KATNAL1: variants seen among roughly 807,000 people sequenced by gnomAD.
KATNAL1 encodes katanin p60 ATPase-containing subunit A-like 1.
KATNAL1 carries 32 observed loss-of-function variants against 55.2 expected under a neutral mutation model. That is an observed-to-expected ratio of 0.58 (90% CI 0.44 to 0.78). KATNAL1 has a LOEUF of 0.78. Among genes scored for constraint, KATNAL1 ranks in the 30% least tolerant of loss-of-function variants. The probability of loss-of-function intolerance (pLI) is 0.00; values close to 1 mark genes in which losing one functional copy is unlikely to be tolerated. For missense variants in KATNAL1, 466 were observed against 600.9 expected, an observed-to-expected ratio of 0.78 and a Z score of 2.35; for synonymous variants, 193 against 193.6, an observed-to-expected ratio of 1.00 and a Z score of 0.02.
rs1873335447 is a variant in KATNAL1 at position 30,208,268 on chromosome 13, GC to G, written c.*271del. On this transcript the variant is annotated 3_prime_UTR_variant, in exon 11 of 11. Transcript: ENST00000380615. ...TCCTAAAATATCACACTGCGCCCTTGCTTCAGCCTCCCTGATAGACTGGTTT... is the reference window on the plus strand; with the variant it reads ...TCCTAAAATATCACACTGCGCCCTTGTTCAGCCTCCCTGATAGACTGGTTT... 1 of 305,826 alleles carries G rather than the reference GC, an allele frequency of 3.3e-6. No individual in the cohort carries two copies. The highest frequency in any genetic ancestry group is 2.2e-5 in the African/African-American group (1 of 46,122). 18.9% of individuals were successfully genotyped at this position (305,826 alleles called of 1,614,324 possible).
chr13:30,280,006 T>G (rs1881153777), intron 3 of KATNAL1, 57 bp downstream of exon 3: 1 of 1,456,326 alleles, frequency 6.9e-7, no homozygotes, highest in African/African-American at 1.4e-5. Context: ...AAAACATGCT[T>G]CACTGTGAAC....
chr13:30,287,819 T>C (rs1881891719), intron 1 of KATNAL1, among the ~76,000 whole-genome samples: 1 of 152,160 alleles, frequency 6.6e-6, no homozygotes, highest in Non-Finnish European at 1.5e-5. Flanking sequence ...GATAAAAATA[T>C]CCTGATACAA....
At chr13:30,218,040 A>C (rs1036667835) in intron 9 of KATNAL1, among the ~76,000 whole-genome samples, 2 of 152,118 alleles carry the variant, frequency 1.3e-5, no homozygotes, top group African/African-American at 4.8e-5. Context: ...AGAAGGGAAG[A>C]GAGAACCTGG....
rs1878237684 is a variant in KATNAL1, at chr13:30,250,946, G to A, written c.492+4501C>T. ...GAGGTCAGGAGATCGAGACCATCCT[G>A]GATAACACGGTGAAACCCCATCTCT... On this transcript the variant is annotated intron_variant, in intron 4 of 10. Coordinates refer to ENST00000380615, the MANE Select transcript of KATNAL1 (RefSeq NM_032116.5). Among the ~76,000 whole-genome samples the A allele has an allele frequency of 2.0e-5, 3 of 152,260 alleles. No individual in the cohort carries two copies. In the East Asian group the frequency reaches 5.8e-4, roughly 29 times the overall value.
At chr13:30,232,409 A>G (rs1876192301) in intron 6 of KATNAL1, among the ~76,000 whole-genome samples, 1 of 152,236 alleles carries the variant, frequency 6.6e-6, no homozygotes, top group African/African-American at 2.4e-5. Flanking sequence ...AAACTGTCCA[A>G]ATGCTTTTCT....
At position 30,208,165 on chromosome 13, in the gene KATNAL1, T is replaced by C. The variant is rs1873324527; in HGVS notation, c.*375A>G. 1 of 160,410 alleles carries C rather than the reference T, an allele frequency of 6.2e-6. No individual in the cohort carries two copies. The highest frequency in any genetic ancestry group is 1.4e-5 in the Non-Finnish European group (1 of 73,896). The allele number at this position is 160,410 out of a possible 1,614,324, so 9.9% of individuals were successfully genotyped here. A position where few individuals can be genotyped will look rare whatever the true frequency, so the allele number is the denominator to read the frequency against. The stretch of plus-strand genomic sequence containing the variant: ...TTAAAAGTCAACATACATAGATAGG[T>C]CCCTCATGTTGACAGAGCACAGAAT... On this transcript the variant is annotated 3_prime_UTR_variant, in exon 11 of 11. Transcript: ENST00000380615.
chr13:30,306,845 C>T (rs1383319045), intron 1 of KATNAL1: 2 of 152,352 alleles, frequency 1.3e-5, no homozygotes, highest in African/African-American at 4.8e-5. Context: ...GGCTGCTCAT[C>T]CCTGAGACTG....
intron 3 of KATNAL1, among the ~76,000 whole-genome samples, chr13:30,269,979 G>A (rs1880143425): frequency 6.7e-6 from 1 of 149,708 alleles, no homozygotes; most frequent in Non-Finnish European, 1.5e-5. Flanking sequence ...ACTGGGAAGT[G>A]AGGAGCCCCT....
At chr13:30,213,858 G>T (rs1054084413) in intron 9 of KATNAL1, among the ~76,000 whole-genome samples, 53 of 152,076 alleles carry the variant, frequency 3.5e-4, no homozygotes, top group Middle Eastern at 3.4e-3. Flanking sequence ...CTTTGAAAAC[G>T]GGCACAAGAC....
intron 2 of KATNAL1, among the ~76,000 whole-genome samples, chr13:30,282,966 GAA>G (rs553752385): frequency 1.1e-5 from 1 of 89,566 alleles, no homozygotes. Flanking sequence ...AAAAAAAAAA[GAA>G]AAAAAAAAAA....
rs767307772 is a variant in KATNAL1, at chr13:30,287,147, G to A, written c.-14-3356C>T. On this transcript the variant is annotated intron_variant, in intron 1 of 10. Transcript: ENST00000380615. ...GGAATGGGTTAAGACTTTGGGGGAC[G>A]GTTGGAAAGGAATGATTTGCAATGT... Among the ~76,000 whole-genome samples, 10 of 152,126 alleles carry A rather than the reference G, an allele frequency of 6.6e-5. 1 individual carries two copies. The highest frequency in any genetic ancestry group is 2.1e-4 in the South Asian group (1 of 4,834).
At chr13:30,282,488 A>C (rs1357771829) in intron 2 of KATNAL1, among the ~76,000 whole-genome samples, 5 of 151,964 alleles carry the variant, frequency 3.3e-5, no homozygotes, top group Non-Finnish European at 7.4e-5. Flanking sequence ...AAATTTAAAA[A>C]TTTGCTGGAC....
intron 9 of KATNAL1, among the ~76,000 whole-genome samples, chr13:30,218,207 T>TATATAC (rs1281419949): frequency 1.5e-5 from 2 of 132,144 alleles, no homozygotes; most frequent in African/African-American, 5.7e-5. Flanking sequence ...GTAAAAGGAA[T>TATATAC]ATATATATAT....
intron 4 of KATNAL1, among the ~76,000 whole-genome samples, chr13:30,249,334 GA>G (rs1402196470): frequency 2.0e-5 from 3 of 152,072 alleles, no homozygotes; most frequent in African/African-American, 2.4e-5. Flanking sequence ...AACCACTTTG[GA>G]AACTGGTGTT....
chr13:30,210,523 G>T, intron 9 of KATNAL1, 81 bp from the exon 10 acceptor site: 1 of 1,355,440 alleles, frequency 7.4e-7, no homozygotes, highest in Non-Finnish European at 1.0e-6. Flanking sequence ...TAACATTTGG[G>T]GGAAAAATGA....
chr13:30,286,546 G>C (rs1235547483), intron 1 of KATNAL1, among the ~76,000 whole-genome samples: 1 of 152,268 alleles, frequency 6.6e-6, no homozygotes, highest in Admixed American at 6.5e-5. Context: ...GAAATGCCTG[G>C]AGGTCCAGGC....
chr13:30,267,155 G>A (rs950840973), intron 3 of KATNAL1, among the ~76,000 whole-genome samples: 9 of 152,084 alleles, frequency 5.9e-5, no homozygotes, highest in Non-Finnish European at 1.0e-4. Context: ...CAGATAGGTC[G>A]TTGCCTTTAC....
At chr13:30,236,511 C>A (rs1030413843) in intron 6 of KATNAL1, among the ~76,000 whole-genome samples, 6 of 152,144 alleles carry the variant, frequency 3.9e-5, no homozygotes, top group African/African-American at 1.4e-4. Context: ...TTTCACTAAC[C>A]AAAAAGCCCA....
Position 30,203,454 on chromosome 13 carries a change from T to C in KATNAL1, c.*5086A>G, listed in dbSNP as rs1221470254. On this transcript the variant is annotated 3_prime_UTR_variant, in exon 11 of 11. Transcript: ENST00000380615. ...TTTTCCAAAGGGCGATATTTTGTCA[T>C]TTCAGATATGGTAAAGTAAAAGTGC... 6.6e-6 allele frequency: 1 copy of C among 152,190 alleles called. No individual in the cohort carries two copies. The highest frequency in any genetic ancestry group is 2.4e-5 in the African/African-American group (1 of 41,448). The allele number at this position is 152,190 out of a possible 1,614,324, so 9.4% of individuals were successfully genotyped here. A position where few individuals can be genotyped will look rare whatever the true frequency, so the allele number is the denominator to read the frequency against.
Sources: allele counts gnomAD v4.1 joint callset (sites outside exome capture counted in the v4.1 genomes callset), GRCh38; gene constraint gnomAD v4.1.1; transcripts MANE v1.5; gene names NCBI Gene and HGNC (gene_info 2026-07-23, HGNC 2026-07-21).